Variants in PTPRD observed in about 807,000 individuals in gnomAD.
PTPRD encodes the protein receptor-type tyrosine-protein phosphatase delta.
PTPRD carries 34 observed loss-of-function variants against 214.5 expected under a neutral mutation model. The observed-to-expected ratio is 0.16, with a 90% confidence interval of 0.12 to 0.21. The LOEUF (loss-of-function observed/expected upper bound fraction) is 0.21, where lower values mean the gene tolerates loss of function less well. Ranked by LOEUF, PTPRD falls within the 10% of genes least tolerant of loss-of-function variation. PTPRD has a pLI of 1.00. For missense variants in PTPRD, 2,545 were observed against 2,398.7 expected, an observed-to-expected ratio of 1.06 and a Z score of -1.27; for synonymous variants, 1,128 against 845.7, an observed-to-expected ratio of 1.33 and a Z score of -5.79.
chr9:8,716,248 T>C (rs984546259), intron 12 of PTPRD, among the ~76,000 whole-genome samples: 3 of 152,212 alleles, frequency 2.0e-5, no homozygotes, highest in African/African-American at 7.2e-5. Flanking sequence ...CTGGCATTGT[T>C]AGAACCTACA....
intron 2 of PTPRD, among the ~76,000 whole-genome samples, chr9:10,371,322 T>C (rs2097611693): frequency 6.6e-6 from 1 of 152,106 alleles, no homozygotes; most frequent in East Asian, 1.9e-4. Context: ...TTTATGCTAC[T>C]ATCGTTGGCT....
chr9:8,397,513 C>T (rs1194810988), intron 36 of PTPRD, among the ~76,000 whole-genome samples: 1 of 151,766 alleles, frequency 6.6e-6, no homozygotes, highest in African/African-American at 2.4e-5. Flanking sequence ...CAGATATGCC[C>T]CTTGCCCAAA....
chr9:8,359,791 G>A (rs1339929042), intron 39 of PTPRD, among the ~76,000 whole-genome samples: 1 of 152,190 alleles, frequency 6.6e-6, no homozygotes, highest in Non-Finnish European at 1.5e-5. Flanking sequence ...CTTTGTTTGT[G>A]TCAAAGTTCT....
At chr9:9,574,443 G>A (rs1183881792) in intron 8 of PTPRD, among the ~76,000 whole-genome samples, 1 of 151,878 alleles carries the variant, frequency 6.6e-6, no homozygotes, top group Non-Finnish European at 1.5e-5. Context: ...GGATAAAATT[G>A]TTATTCATGT....
chr9:8,925,858 A>ATTTTTTTTT (rs33971552), intron 11 of PTPRD, among the ~76,000 whole-genome samples: 2 of 120,172 alleles, frequency 1.7e-5, no homozygotes, highest in Admixed American at 9.2e-5. Flanking sequence ...CTATTGCAAT[A>ATTTTTTTTT]TTTTTTTTTT....
chr9:8,524,841 T>C (rs2097979760), intron 18 of PTPRD, 84 bp downstream of exon 18: 4 of 1,089,300 alleles, frequency 3.7e-6, no homozygotes, highest in South Asian at 1.2e-5. Context: ...TGTTAACTAC[T>C]AATATAACAA....
chr9:8,541,156 G>A (rs1195788585), intron 14 of PTPRD, among the ~76,000 whole-genome samples: 1 of 152,122 alleles, frequency 6.6e-6, no homozygotes, highest in East Asian at 1.9e-4. Context: ...TCCCATAAAT[G>A]CAAATAGTTT....
At chr9:8,661,648 A>C (rs2097055785) in intron 12 of PTPRD, among the ~76,000 whole-genome samples, 1 of 152,002 alleles carries the variant, frequency 6.6e-6, no homozygotes, top group Non-Finnish European at 1.5e-5. Flanking sequence ...TTGCAATACC[A>C]TCAGCAATTA....
chr9:9,396,871 G>T (rs1003214000), intron 9 of PTPRD, among the ~76,000 whole-genome samples: 7 of 152,102 alleles, frequency 4.6e-5, no homozygotes, highest in African/African-American at 1.7e-4. Context: ...TACTGTGAAA[G>T]CACACAAATA....
At chr9:8,763,291 C>A (rs971079310) in intron 11 of PTPRD, among the ~76,000 whole-genome samples, 1 of 152,150 alleles carries the variant, frequency 6.6e-6, no homozygotes, top group Non-Finnish European at 1.5e-5. Context: ...TTGGATGGAT[C>A]GCCTGAAACC....
At chr9:8,636,938 C>T (rs2096454774) in intron 12 of PTPRD, 94 bp from the exon 13 acceptor site, 11 of 1,250,862 alleles carry the variant, frequency 8.8e-6, no homozygotes, top group Admixed American at 2.1e-5. Flanking sequence ...CTCAACCACA[C>T]CGCCATCAAG....
intron 5 of PTPRD, among the ~76,000 whole-genome samples, chr9:9,848,976 C>A (rs538464050): frequency 1.7e-4 from 26 of 151,992 alleles, no homozygotes; most frequent in Non-Finnish European, 2.6e-4. Context: ...ACTTCCTAAA[C>A]AGACACAGAG....
intron 2 of PTPRD, among the ~76,000 whole-genome samples, chr9:10,597,428 T>G (rs922553828): frequency 1.3e-5 from 2 of 151,816 alleles, no homozygotes; most frequent in African/African-American, 4.8e-5. Flanking sequence ...TCACTTAATG[T>G]AATGATTCAC....
In PTPRD at chr9:10,395,903, G is replaced by A. The variant is rs137924946; in HGVS notation, c.-599-54886C>T. ...GATCTGGAAACACTGTGGTCCTGAA[G>A]TAGCAGAGGAAGAAGAAGGAAGAAG... On this transcript the variant is annotated intron_variant, in intron 2 of 45. Coordinates refer to ENST00000381196, the MANE Select transcript of PTPRD (RefSeq NM_002839.4). Among the ~76,000 whole-genome samples, 6 of 150,990 alleles carry A rather than the reference G, an allele frequency of 4.0e-5. No individual in the cohort carries two copies. In the South Asian group the frequency reaches 1.1e-3, roughly 27 times the overall value.
At chr9:9,248,698 G>A (rs990034532) in intron 9 of PTPRD, among the ~76,000 whole-genome samples, 4 of 152,088 alleles carry the variant, frequency 2.6e-5, no homozygotes, top group African/African-American at 4.8e-5. Flanking sequence ...GGAATGAGAA[G>A]TCTTAGCATG....
chr9:8,552,108 T>C (rs1351330784), intron 14 of PTPRD, among the ~76,000 whole-genome samples: 1 of 152,124 alleles, frequency 6.6e-6, no homozygotes, highest in African/African-American at 2.4e-5. Flanking sequence ...CCTTGCTTTT[T>C]TCAGGCGATG....
chr9:9,949,193 A>T (rs10816260), intron 4 of PTPRD, among the ~76,000 whole-genome samples: 8,499 of 152,104 alleles, frequency 0.056, 419 homozygotes, highest in East Asian at 0.15. Flanking sequence ...GTGTTTCATT[A>T]ATGTTTATGA....
At chr9:8,830,442 G>C (rs1308828402) in intron 11 of PTPRD, among the ~76,000 whole-genome samples, 7 of 152,074 alleles carry the variant, frequency 4.6e-5, no homozygotes, top group Non-Finnish European at 8.8e-5. Flanking sequence ...AAAAAATCTT[G>C]ATATTAAGAA....
chr9:9,107,185 G>A (rs932848612), intron 10 of PTPRD, among the ~76,000 whole-genome samples: 1 of 152,058 alleles, frequency 6.6e-6, no homozygotes, highest in African/African-American at 2.4e-5. Flanking sequence ...TAGGTGGCCT[G>A]TATCTTTTAG....
Sources: allele counts gnomAD v4.1 joint callset (sites outside exome capture counted in the v4.1 genomes callset), GRCh38; gene constraint gnomAD v4.1.1; transcripts MANE v1.5; gene names NCBI Gene and HGNC (gene_info 2026-07-23, HGNC 2026-07-21).